Variants in FAM210A observed in about 807,000 individuals in gnomAD.
The protein encoded by FAM210A is mitochondrial inner membrane scaffold 1.
In FAM210A, 13 loss-of-function variants were observed where a neutral mutation model predicts 25.3. The observed-to-expected ratio is 0.51, with a 90% confidence interval of 0.33 to 0.82. The LOEUF (loss-of-function observed/expected upper bound fraction) is 0.82. FAM210A is among the 40% of genes least tolerant of loss of function. The pLI is 0.02. For synonymous variants in FAM210A, 125 were observed against 118.7 expected (o/e 1.05, Z -0.35); for missense variants, 319 against 323.2 (o/e 0.99, Z 0.10).
chr18:13,693,988 G>T (rs976490211), intron 1 of FAM210A, among the ~76,000 whole-genome samples: 23 of 152,158 alleles, frequency 1.5e-4, no homozygotes, highest in Non-Finnish European at 1.8e-4. Flanking sequence ...AAACCCCATC[G>T]TCTCAGCCCA....
At chr18:13,704,466 T>C (rs577200794) in intron 1 of FAM210A, among the ~76,000 whole-genome samples, 2 of 152,204 alleles carry the variant, frequency 1.3e-5, no homozygotes, top group Non-Finnish European at 2.9e-5. Flanking sequence ...CAAAGGGTTA[T>C]ATAAGGTTTA....
At chr18:13,706,269 G>T (rs891878507) in intron 1 of FAM210A, among the ~76,000 whole-genome samples, 1 of 150,922 alleles carries the variant, frequency 6.6e-6, no homozygotes, top group Admixed American at 6.6e-5. Flanking sequence ...CAAGATCACA[G>T]ATGAAGAGTT....
chr18:13,681,549 A>G, intron 2 of FAM210A, 56 bp downstream of exon 2: 1 of 1,371,614 alleles, frequency 7.3e-7, no homozygotes, highest in East Asian at 2.3e-5. Flanking sequence ...AGTACAATTA[A>G]AAAGATTAAT....
chr18:13,705,158 C>T (rs752207086), intron 1 of FAM210A, among the ~76,000 whole-genome samples: 6 of 152,132 alleles, frequency 3.9e-5, no homozygotes, highest in Non-Finnish European at 5.9e-5. Flanking sequence ...CAGATTTTCA[C>T]GTTAAATCAG....
chr18:13,715,457 A>T (rs1465239296), intron 1 of FAM210A: 2 of 152,246 alleles, frequency 1.3e-5, no homozygotes, highest in African/African-American at 4.8e-5. Flanking sequence ...TAGTGGAGAC[A>T]GGATTATATC....
At chr18:13,686,698 T>G (rs994048898) in intron 1 of FAM210A, among the ~76,000 whole-genome samples, 4 of 152,122 alleles carry the variant, frequency 2.6e-5, no homozygotes, top group African/African-American at 9.7e-5. Flanking sequence ...AAAGACAAAC[T>G]GCCAAAACCC....
At chr18:13,712,925 A>G (rs2043832925) in intron 1 of FAM210A, among the ~76,000 whole-genome samples, 1 of 152,186 alleles carries the variant, frequency 6.6e-6, no homozygotes, top group Admixed American at 6.5e-5. Context: ...AAGGACAGAT[A>G]GTGCTTGTGG....
chr18:13,706,930 G>A (rs781023930), intron 1 of FAM210A, among the ~76,000 whole-genome samples: 21 of 152,132 alleles, frequency 1.4e-4, no homozygotes, highest in African/African-American at 4.6e-4. Context: ...ATTTTAGGTC[G>A]TTTGATTTAC....
Position 13,665,628 on chromosome 18 carries a change from G to A in FAM210A, c.*852C>T, listed in dbSNP as rs2043394944. The A allele has an allele frequency of 6.6e-6, 1 of 151,592 alleles. No homozygotes were observed. Among genetic ancestry groups the A allele is most frequent in the African/African-American group, 2.4e-5 (1 of 41,240 alleles). 9.4% of individuals were successfully genotyped at this position (151,592 alleles called of 1,614,324 possible). ...TTTTTAGTCTCCCAAACCTTTTTCT[G>A]CTTGAGAACCATGAGCTTGAGTTAC... is the stretch of plus-strand genomic sequence containing the variant. On this transcript the variant is annotated 3_prime_UTR_variant, in exon 4 of 4. Coordinates refer to ENST00000651643, the MANE Select transcript of FAM210A (RefSeq NM_152352.4).
intron 1 of FAM210A, among the ~76,000 whole-genome samples, chr18:13,716,404 T>C (rs756184551): frequency 6.6e-6 from 1 of 152,182 alleles, no homozygotes; most frequent in Non-Finnish European, 1.5e-5. Context: ...CTGACTGTTA[T>C]TGGTCCAGGG....
At chr18:13,722,162 C>A (rs986835350) in intron 1 of FAM210A, among the ~76,000 whole-genome samples, 2 of 151,996 alleles carry the variant, frequency 1.3e-5, no homozygotes, top group African/African-American at 2.4e-5. Context: ...CCAACGAGTT[C>A]TCTTCTAGGG....
At chr18:13,668,337 A>G (rs35196275) in intron 3 of FAM210A, among the ~76,000 whole-genome samples, 38,126 of 151,950 alleles carry the variant, frequency 0.25, 5,456 homozygotes, top group Non-Finnish European at 0.33. Flanking sequence ...CTTCTAGTTC[A>G]TGGCGGCTTC....
At chr18:13,702,043 C>A (rs1457321168) in intron 1 of FAM210A, among the ~76,000 whole-genome samples, 1 of 152,182 alleles carries the variant, frequency 6.6e-6, no homozygotes, top group Non-Finnish European at 1.5e-5. Flanking sequence ...GACTTTTACC[C>A]GTGGTTCCAC....
chr18:13,667,535 A>G (rs1028440542), intron 3 of FAM210A, among the ~76,000 whole-genome samples: 4 of 152,114 alleles, frequency 2.6e-5, no homozygotes, highest in African/African-American at 9.7e-5. Context: ...CCTGGCCAAC[A>G]TGGTGAAACC....
chr18:13,723,857 T>G (rs1353856370), intron 1 of FAM210A, among the ~76,000 whole-genome samples: 1 of 152,198 alleles, frequency 6.6e-6, no homozygotes, highest in African/African-American at 2.4e-5. Flanking sequence ...ACAATGAAAT[T>G]TCAGTAGGAA....
In FAM210A at chr18:13,681,991, A is replaced by T; in HGVS notation, c.87T>A (p.Cys29Ter). 6.2e-7 allele frequency: 1 copy of T among 1,614,186 alleles called. No individual in the cohort carries two copies. The highest frequency in any genetic ancestry group is 8.5e-7 in the Non-Finnish European group (1 of 1,180,034). Residue 29 changes from cysteine (C) to a stop codon, truncating the protein, a stop_gained, in exon 2 of 4, where the codon TGT becomes TGA. Transcript: ENST00000651643. LOFTEE classifies it high-confidence loss of function. ...AAAGTAAAGGTCCCTTTACATTTTG[A>T]CAGTGTCCAAAGAGACCAGCATTAT... ...EPHNAGLFGH[C>*]QNVKGPLLLY...
Position 13,692,220 on chromosome 18 carries a change from C to A in FAM210A, c.-28-10115G>T, listed in dbSNP as rs188431694. Among the ~76,000 whole-genome samples, 1,132 of 152,068 alleles carry A rather than the reference C, an allele frequency of 7.4e-3. 8 individuals carry two copies. Among genetic ancestry groups the A allele is most frequent in the Middle Eastern group, 0.041 (12 of 294 alleles). On this transcript the variant is annotated intron_variant, in intron 1 of 3. Coordinates refer to ENST00000651643, the MANE Select transcript of FAM210A (RefSeq NM_152352.4). ...GCTAACTCTCCTAAATATATATGCA[C>A]CCAATACAGGAGCACTCAGATTCAT...
intron 1 of FAM210A, among the ~76,000 whole-genome samples, chr18:13,683,781 A>G (rs954481548): frequency 3.3e-5 from 5 of 152,192 alleles, no homozygotes; most frequent in Admixed American, 3.3e-4. Context: ...CACTTTAACT[A>G]TATCCTAAGT....
intron 1 of FAM210A, among the ~76,000 whole-genome samples, chr18:13,693,829 G>T (rs987490728): frequency 1.3e-5 from 2 of 152,208 alleles, no homozygotes; most frequent in African/African-American, 2.4e-5. Flanking sequence ...CGCAAGACAG[G>T]GATGCCCTCT....
Sources: gnomAD v4.1 joint callset for allele counts (sites outside exome capture counted in the v4.1 genomes callset) on GRCh38, gnomAD v4.1.1 for gene constraint, MANE v1.5 for transcripts, NCBI Gene and HGNC (gene_info 2026-07-23, HGNC 2026-07-21) for gene names.